COL4A5: variants seen among roughly 807,000 people sequenced by gnomAD.
The protein encoded by COL4A5 is collagen alpha-5(IV) chain.
COL4A5 carries 26 observed loss-of-function variants against 130.2 expected under a neutral mutation model. The ratio of observed to expected loss-of-function variants is 0.20; its 90% CI spans 0.15 to 0.28. The LOEUF (loss-of-function observed/expected upper bound fraction) is 0.28, where lower values mean the gene tolerates loss of function less well. Among genes scored for constraint, COL4A5 ranks in the 10% least tolerant of loss-of-function variants. The probability of loss-of-function intolerance (pLI) is 1.00; values close to 1 mark genes in which losing one functional copy is unlikely to be tolerated. For synonymous variants in COL4A5, 496 were observed against 439.6 expected (o/e 1.13, Z -1.60); for missense variants, 1,131 against 1,344.3 (o/e 0.84, Z 2.48).
intron 13 of COL4A5, among the ~76,000 whole-genome samples, chrX:108,578,732 T>C (rs1294252548): frequency 9.5e-6 from 1 of 105,088 alleles, no homozygotes; most frequent in Admixed American, 1.0e-4. Flanking sequence ...CAGGCTGGAG[T>C]GCAATGGCAT....
intron 2 of COL4A5, among the ~76,000 whole-genome samples, chrX:108,542,806 G>A (rs375607292): frequency 0.066 from 6,827 of 103,523 alleles, 770 homozygotes; most frequent in African/African-American, 0.24. Flanking sequence ...CATTCTAACT[G>A]GTGTGAGATG....
At position 108,440,063 on chromosome X, in the gene COL4A5, A is replaced by G. The variant is rs2064369907; in HGVS notation, c.-63A>G. 1.1e-5 allele frequency: 10 copies of G among 904,636 alleles called. No homozygotes were observed. In the Admixed American group the frequency reaches 1.2e-4, roughly 11 times the overall value. The allele number at this position is 904,636 out of a possible 1,213,427, so 74.6% of individuals were successfully genotyped here. A position where few individuals can be genotyped will look rare whatever the true frequency, so the allele number is the denominator to read the frequency against. On this transcript the variant is annotated 5_prime_UTR_variant, in exon 1 of 53. Coordinates refer to ENST00000328300, the MANE Select transcript of COL4A5 (RefSeq NM_033380.3). ...CATATAAACCCTCAAGATTATGTCAATTGGTTAGAGCCAGCCGGGAATTTC... is the reference window on the plus strand; with the variant it reads ...CATATAAACCCTCAAGATTATGTCAGTTGGTTAGAGCCAGCCGGGAATTTC...
chrX:108,469,355 G>A (rs1298284125), intron 1 of COL4A5, among the ~76,000 whole-genome samples: 1 of 108,852 alleles, frequency 9.2e-6, no homozygotes, highest in Non-Finnish European at 1.9e-5. Context: ...TTGTTGCCCA[G>A]GCTGGTCTCA....
At chrX:108,601,800 G>A (rs1176770279) in intron 26 of COL4A5, 85 bp from the exon 27 acceptor site, 4 of 594,063 alleles carry the variant, frequency 6.7e-6, no homozygotes, top group Non-Finnish European at 8.4e-6. Flanking sequence ...AAAGTGCTGG[G>A]ATTACAAGAG....
intron 36 of COL4A5, among the ~76,000 whole-genome samples, chrX:108,631,417 A>G (rs2067257417): frequency 9.0e-6 from 1 of 111,022 alleles, no homozygotes; most frequent in African/African-American, 3.3e-5. Flanking sequence ...TTTTGAAGCA[A>G]TTGTGAATGG....
intron 36 of COL4A5, among the ~76,000 whole-genome samples, chrX:108,628,338 T>C (rs1367157405): frequency 9.0e-6 from 1 of 111,229 alleles, no homozygotes; most frequent in East Asian, 2.8e-4. Context: ...TTTTAATATC[T>C]ATATTTACTG....
chrX:108,665,129 T>C (rs2068049962), intron 37 of COL4A5, among the ~76,000 whole-genome samples: 1 of 112,148 alleles, frequency 8.9e-6, no homozygotes, highest in South Asian at 3.7e-4. Flanking sequence ...AGATAAAAGC[T>C]GGAAATAAAA....
chrX:108,604,280 A>G (rs2066692614), intron 28 of COL4A5, among the ~76,000 whole-genome samples: 1 of 112,298 alleles, frequency 8.9e-6, no homozygotes, highest in Non-Finnish European at 1.9e-5. Context: ...AAATAATAAG[A>G]CTTGAAAATT....
At chrX:108,573,806 GC>G (rs1163776111) in intron 9 of COL4A5, 152 bp downstream of exon 9, 2 of 468,600 alleles carry the variant, frequency 4.3e-6, no homozygotes, top group African/African-American at 4.8e-5. Flanking sequence ...GAAAATAAAA[GC>G]AATCTGGACC....
chrX:108,633,192 T>C (rs2067298162), intron 36 of COL4A5, among the ~76,000 whole-genome samples: 1 of 110,971 alleles, frequency 9.0e-6, no homozygotes, highest in Non-Finnish European at 1.9e-5. Flanking sequence ...AATTCATCAA[T>C]TGAGGGGGAG....
intron 2 of COL4A5, among the ~76,000 whole-genome samples, chrX:108,546,160 G>A (rs2065649501): frequency 8.9e-6 from 1 of 111,877 alleles, no homozygotes; most frequent in Non-Finnish European, 1.9e-5. Context: ...TATGATGTTA[G>A]CTGGTTATTT....
intron 37 of COL4A5, among the ~76,000 whole-genome samples, chrX:108,657,270 A>T (rs1488080880): frequency 1.8e-5 from 2 of 111,296 alleles, no homozygotes; most frequent in Non-Finnish European, 3.8e-5. Context: ...AAACGCATCC[A>T]ATAAATTACA....
intron 1 of COL4A5, among the ~76,000 whole-genome samples, chrX:108,472,975 G>A (rs1002832551): frequency 8.9e-6 from 1 of 111,810 alleles, no homozygotes; most frequent in Non-Finnish European, 1.9e-5. Context: ...CAGGTGTGGG[G>A]TGTTATTGTG....
intron 52 of COL4A5, 93 bp from the exon 53 acceptor site, chrX:108,696,204 C>CA (rs1451089396): frequency 4.0e-5 from 29 of 728,029 alleles, no homozygotes; most frequent in Non-Finnish European, 6.1e-5. Flanking sequence ...AGCTACTTAA[C>CA]ACACAAAAAA....
chrX:108,627,346 G>T, intron 36 of COL4A5: 1 of 727,700 alleles, frequency 1.4e-6, no homozygotes, highest in Non-Finnish European at 1.6e-6. Flanking sequence ...ACTGTCAATA[G>T]TTGATATATA....
chrX:108,456,019 G>A (rs1337882733), intron 1 of COL4A5, among the ~76,000 whole-genome samples: 1 of 111,736 alleles, frequency 8.9e-6, no homozygotes, highest in African/African-American at 3.2e-5. Flanking sequence ...TTGAGGTTTT[G>A]ATAGGAATTG....
intron 40 of COL4A5, among the ~76,000 whole-genome samples, chrX:108,667,803 T>A (rs892834626): frequency 3.6e-5 from 4 of 109,755 alleles, no homozygotes; most frequent in Non-Finnish European, 7.5e-5. Flanking sequence ...AATGTGCCAC[T>A]GTTACATTGC....
intron 40 of COL4A5, among the ~76,000 whole-genome samples, chrX:108,667,754 A>T (rs868260658): frequency 6.3e-5 from 7 of 110,761 alleles, no homozygotes; most frequent in Admixed American, 9.6e-5. Flanking sequence ...AGTCAAATAG[A>T]TATCCTTCCC....
At chrX:108,473,630 TA>T (rs1182807901) in intron 1 of COL4A5, among the ~76,000 whole-genome samples, 17 of 46,285 alleles carry the variant, frequency 3.7e-4, no homozygotes, top group Non-Finnish European at 5.9e-4. Context: ...TATATATATA[TA>T]TATTTTTTTT....
Sources: gnomAD v4.1 joint callset for allele counts (sites outside exome capture counted in the v4.1 genomes callset) on GRCh38, gnomAD v4.1.1 for gene constraint, MANE v1.5 for transcripts, NCBI Gene and HGNC (gene_info 2026-07-23, HGNC 2026-07-21) for gene names.